The following LINGO2 variants were observed in gnomAD, a reference collection of about 807,000 sequenced individuals.
The protein encoded by LINGO2 is leucine-rich repeat and immunoglobulin-like domain-containing nogo receptor-interacting protein 2.
A neutral mutation model predicts 30.6 loss-of-function variants in LINGO2; 14 were observed. That is an observed-to-expected ratio of 0.46 (90% CI 0.30 to 0.72). The LOEUF (loss-of-function observed/expected upper bound fraction) is 0.72. Among genes scored for constraint, LINGO2 ranks in the 30% least tolerant of loss-of-function variants. The pLI, the probability that LINGO2 is intolerant of heterozygous loss-of-function variation, is 0.07. For synonymous variants in LINGO2, 317 were observed against 288.5 expected (o/e 1.10, Z -1.00); for missense variants, 729 against 751.7 (o/e 0.97, Z 0.35).
chr9:28,475,909 T>C (rs1825710582), intron 2 of LINGO2, 31 bp downstream of exon 4: 1 of 152,598 alleles, frequency 6.6e-6, no homozygotes, highest in Non-Finnish European at 1.5e-5. Context: ...TCGAAAGATA[T>C]CCTGAAACCT....
chr9:29,104,299 C>G, the LINGO2 span, among the ~76,000 whole-genome samples: 1 of 152,002 alleles, frequency 6.6e-6, no homozygotes, highest in South Asian at 2.1e-4. Context: ...CCTTGCAGTT[C>G]TCATAATAGT....
chr9:28,187,604 T>G (rs1471472627), intron 4 of LINGO2, among the ~76,000 whole-genome samples: 1 of 152,152 alleles, frequency 6.6e-6, no homozygotes, highest in East Asian at 1.9e-4. Context: ...AGGAGAAAAT[T>G]AATCAGTAAA....
chr9:28,750,086 T>C, the LINGO2 span, among the ~76,000 whole-genome samples: 1 of 152,120 alleles, frequency 6.6e-6, no homozygotes, highest in Admixed American at 6.5e-5. Flanking sequence ...CCCAATTCTC[T>C]TTTTACTCAC....
At chr9:28,618,289 T>C (rs542631595) in intron 1 of LINGO2, among the ~76,000 whole-genome samples, 1 of 152,292 alleles carries the variant, frequency 6.6e-6, no homozygotes, top group East Asian at 1.9e-4. Flanking sequence ...GCCAAAAATC[T>C]AAGCTATTTT....
the LINGO2 span, chr9:27,942,516 AC>A: frequency 1.3e-5 from 2 of 152,184 alleles, no homozygotes; most frequent in East Asian, 3.8e-4. Context: ...AAACATGCCC[AC>A]AACAATTAAC....
chr9:28,403,310 T>C (rs1376987177), intron 2 of LINGO2, among the ~76,000 whole-genome samples: 1 of 152,122 alleles, frequency 6.6e-6, no homozygotes, highest in African/African-American at 2.4e-5. Flanking sequence ...CTTTGGAGTA[T>C]TTATTCCCGA....
At chr9:29,062,592 C>A in the LINGO2 span, among the ~76,000 whole-genome samples, 1 of 152,018 alleles carries the variant, frequency 6.6e-6, no homozygotes, top group African/African-American at 2.4e-5. Context: ...CACAAAATGA[C>A]AAATTGTACA....
At chr9:28,175,258 C>A (rs1828718400) in intron 4 of LINGO2, among the ~76,000 whole-genome samples, 1 of 152,050 alleles carries the variant, frequency 6.6e-6, no homozygotes, top group Non-Finnish European at 1.5e-5. Flanking sequence ...TCTGGAGGCA[C>A]CCACAAACTT....
At chr9:28,192,702 G>A (rs182305704) in intron 4 of LINGO2, among the ~76,000 whole-genome samples, 1 of 152,174 alleles carries the variant, frequency 6.6e-6, no homozygotes, top group Non-Finnish European at 1.5e-5. Context: ...ATCACTACAT[G>A]TTTAGACACT....
the LINGO2 span, among the ~76,000 whole-genome samples, chr9:29,107,771 T>C: frequency 1.3e-5 from 2 of 152,092 alleles, no homozygotes; most frequent in African/African-American, 4.8e-5. Flanking sequence ...TTGCACATCA[T>C]ATAAATCTAA....
At chr9:28,004,507 T>C (rs943559437) in intron 5 of LINGO2, among the ~76,000 whole-genome samples, 3 of 152,204 alleles carry the variant, frequency 2.0e-5, no homozygotes, top group African/African-American at 4.8e-5. Flanking sequence ...GTTTGTCACA[T>C]AGGTTCTGAC....
chr9:27,940,892 T>C, the LINGO2 span: 1 of 152,344 alleles, frequency 6.6e-6, no homozygotes, highest in East Asian at 1.9e-4. Flanking sequence ...TTCTGAAGTA[T>C]TGGGATCATC....
chr9:28,738,609 T>C, the LINGO2 span, among the ~76,000 whole-genome samples: 3 of 152,014 alleles, frequency 2.0e-5, no homozygotes, highest in Non-Finnish European at 4.4e-5. Context: ...AAAAAAGTAC[T>C]CACTACATAG....
chr9:29,033,614 C>G, the LINGO2 span, among the ~76,000 whole-genome samples: 7 of 151,654 alleles, frequency 4.6e-5, no homozygotes, highest in Non-Finnish European at 1.5e-5. Context: ...GTCTTCAAAT[C>G]CATTCCATGA....
chr9:29,209,337 A>C, the LINGO2 span, among the ~76,000 whole-genome samples: 1 of 152,092 alleles, frequency 6.6e-6, no homozygotes, highest in African/African-American at 2.4e-5. Context: ...AAAGACCCAA[A>C]CCCACCTTCT....
At chr9:29,073,982 A>G in the LINGO2 span, among the ~76,000 whole-genome samples, 1 of 152,316 alleles carries the variant, frequency 6.6e-6, no homozygotes, top group East Asian at 1.9e-4. Flanking sequence ...TCAGAGTTAA[A>G]TGACTATATG....
intron 3 of LINGO2, among the ~76,000 whole-genome samples, chr9:28,312,928 T>C (rs1029169267): frequency 6.6e-6 from 1 of 152,174 alleles, no homozygotes; most frequent in Non-Finnish European, 1.5e-5. Flanking sequence ...AGGGTAGTTA[T>C]TTATTACATT....
intron 1 of LINGO2, among the ~76,000 whole-genome samples, chr9:28,653,218 G>C (rs1828187806): frequency 6.6e-6 from 1 of 152,134 alleles, no homozygotes. Flanking sequence ...GACACCTCAA[G>C]TGAGACCGCT....
At chr9:28,111,980 A>G (rs189664295) in intron 4 of LINGO2, among the ~76,000 whole-genome samples, 16,076 of 144,308 alleles carry the variant, frequency 0.11, 1,146 homozygotes, top group South Asian at 0.18. Context: ...ACATATGTAT[A>G]CATGTGCCAT....
Sources: allele counts gnomAD v4.1 joint callset (sites outside exome capture counted in the v4.1 genomes callset), GRCh38; gene constraint gnomAD v4.1.1; transcripts MANE v1.5; gene names NCBI Gene and HGNC (gene_info 2026-07-23, HGNC 2026-07-21).